The following CCNJL variants were observed in gnomAD, a reference collection of about 807,000 sequenced individuals.
The protein encoded by CCNJL is cyclin J like, also known as cyclin-J-like protein.
CCNJL carries 33 observed loss-of-function variants against 33.4 expected under a neutral mutation model. The ratio of observed to expected loss-of-function variants is 0.99; its 90% confidence interval spans 0.75 to 1.32. CCNJL has a LOEUF of 1.32. Among genes scored for constraint, CCNJL ranks in the 40% most tolerant of loss-of-function variants. The pLI, the probability that CCNJL is intolerant of heterozygous loss-of-function variation, is 0.00. For synonymous variants in CCNJL, 227 were observed against 220.9 expected, an observed-to-expected ratio of 1.03 and a Z score of -0.24; for missense variants, 512 against 499.7, an observed-to-expected ratio of 1.02 and a Z score of -0.23.
chr5:160,292,911 T>C (rs890117209), intron 2 of CCNJL, among the ~76,000 whole-genome samples: 1 of 152,128 alleles, frequency 6.6e-6, no homozygotes, highest in Non-Finnish European at 1.5e-5. Flanking sequence ...ATATGCTTCT[T>C]ACAGAAAAGG....
At chr5:160,273,824 T>A (rs1761920081) in intron 3 of CCNJL, among the ~76,000 whole-genome samples, 1 of 151,838 alleles carries the variant, frequency 6.6e-6, no homozygotes, top group South Asian at 2.1e-4. Flanking sequence ...TTTTTTTGTA[T>A]TTTTAGTAGA....
In CCNJL at chr5:160,297,641, T is replaced by G. The variant is rs377716450; in HGVS notation, c.66+14217A>C. 3.7e-5 allele frequency among the ~76,000 whole-genome samples: 5 copies of G among 133,836 alleles called. No individual in the cohort carries two copies. The East Asian group carries it at 8.4e-4, about 22-fold the overall frequency. 87.8% of individuals were successfully genotyped at this position (133,836 alleles called of 152,430 possible). The stretch of plus-strand genomic sequence containing the variant: ...ACCAACCTGGCAACACAGTGAGATC[T>G]CGTCTCTATTTACAAAAAAAAAAAA... On this transcript the variant is annotated intron_variant, in intron 2 of 5. Coordinates refer to ENST00000257536, the MANE Select transcript of CCNJL (RefSeq NM_001308173.3).
intron 3 of CCNJL, 54 bp from the exon 4 acceptor site, chr5:160,259,825 G>T: frequency 6.8e-7 from 1 of 1,460,082 alleles, no homozygotes; most frequent in South Asian, 1.3e-5. Context: ...CCTGAACCCA[G>T]GAAGCTAACG....
intron 1 of CCNJL, among the ~76,000 whole-genome samples, chr5:160,331,334 C>T (rs545830580): frequency 2.6e-5 from 4 of 151,836 alleles, no homozygotes; most frequent in Admixed American, 1.3e-4. Context: ...CACCATTCTC[C>T]TGCCTCAGCC....
At chr5:160,278,217 C>G (rs943787462) in intron 3 of CCNJL, among the ~76,000 whole-genome samples, 4 of 152,104 alleles carry the variant, frequency 2.6e-5, no homozygotes, top group Admixed American at 2.0e-4. Flanking sequence ...CTGGGCTGAT[C>G]TCAAACTCCT....
At chr5:160,279,270 T>G (rs932110944) in intron 3 of CCNJL, among the ~76,000 whole-genome samples, 5 of 152,024 alleles carry the variant, frequency 3.3e-5, no homozygotes, top group African/African-American at 1.2e-4. Context: ...CAAACATATC[T>G]CAGAGGAGAA....
chr5:160,270,384 C>T (rs993191815), intron 3 of CCNJL, among the ~76,000 whole-genome samples: 1 of 151,700 alleles, frequency 6.6e-6, no homozygotes. Context: ...GCGGAGGTTG[C>T]GGTGAGCCGA....
chr5:160,333,566 G>A (rs1221750491), intron 1 of CCNJL, among the ~76,000 whole-genome samples: 1 of 151,204 alleles, frequency 6.6e-6, no homozygotes, highest in Non-Finnish European at 1.5e-5. Context: ...ACTCCAGCCT[G>A]GGTAACAGAG....
intron 3 of CCNJL, among the ~76,000 whole-genome samples, chr5:160,261,632 C>A (rs112743416): frequency 7.2e-5 from 11 of 151,744 alleles, no homozygotes; most frequent in African/African-American, 1.9e-4. Flanking sequence ...CATACTCCCC[C>A]CAACACTCCC....
At chr5:160,315,684 T>C (rs1763373247), upstream of CCNJL, among the ~76,000 whole-genome samples, 1 of 152,232 alleles carries the variant, frequency 6.6e-6, no homozygotes, top group Admixed American at 6.5e-5. Flanking sequence ...TTACCTTTTT[T>C]CCTAATATTT....
chr5:160,302,517 A>C (rs1762955760), intron 2 of CCNJL, among the ~76,000 whole-genome samples: 1 of 152,178 alleles, frequency 6.6e-6, no homozygotes, highest in South Asian at 2.1e-4. Context: ...AAATCTACAC[A>C]TTAAAATAAT....
intron 3 of CCNJL, among the ~76,000 whole-genome samples, chr5:160,272,663 C>T (rs1320727032): frequency 6.6e-6 from 1 of 152,230 alleles, no homozygotes; most frequent in Non-Finnish European, 1.5e-5. Context: ...GTGCTCACCA[C>T]TGTACCACCA....
chr5:160,258,546 TA>T lies in CCNJL; in HGVS notation c.583+922del. On this transcript the variant is annotated intron_variant, in intron 4 of 5. Transcript: ENST00000257536. ...ACCTTGAACCGTATCTGAAAGAGGT[TA>T]TTCGGGAAAGAAAAGAAAGAGCAGA... The T allele has an allele frequency of 2.6e-6, 4 of 1,521,754 alleles. No individual in the cohort carries two copies. In the South Asian group the frequency reaches 4.5e-5, roughly 17 times the overall value. 94.3% of individuals were successfully genotyped at this position (1,521,754 alleles called of 1,614,324 possible). A position where few individuals can be genotyped will look rare whatever the true frequency, so the allele number is the denominator to read the frequency against.
At chr5:160,282,039 G>A (rs990091639) in intron 2 of CCNJL, among the ~76,000 whole-genome samples, 1 of 152,212 alleles carries the variant, frequency 6.6e-6, no homozygotes, top group Non-Finnish European at 1.5e-5. Flanking sequence ...AGGAAAACAG[G>A]AAATAAGTTG....
chr5:160,268,393 TGAAATGG>T (rs1761695635), intron 3 of CCNJL, among the ~76,000 whole-genome samples: 1 of 152,172 alleles, frequency 6.6e-6, no homozygotes, highest in East Asian at 1.9e-4. Context: ...TCCTCATCTG[TGAAATGG>T]GAAGAAGACA....
At chr5:160,309,537 A>G (rs1040308634) in intron 2 of CCNJL, among the ~76,000 whole-genome samples, 2 of 152,222 alleles carry the variant, frequency 1.3e-5, no homozygotes, top group Non-Finnish European at 2.9e-5. Context: ...TTAGAAACAT[A>G]TTATCAGAGT....
At chr5:160,314,973 C>A (rs1313586259), upstream of CCNJL, among the ~76,000 whole-genome samples, 1 of 152,102 alleles carries the variant, frequency 6.6e-6, no homozygotes, top group Non-Finnish European at 1.5e-5. Flanking sequence ...ACATTTTAAA[C>A]TGTATTATTT....
intron 1 of CCNJL, among the ~76,000 whole-genome samples, chr5:160,325,397 T>C (rs561433754): frequency 2.8e-4 from 42 of 152,292 alleles, no homozygotes; most frequent in Admixed American, 1.0e-3. Context: ...TGTTGCTCCC[T>C]GTCAAAATGA....
intron 2 of CCNJL, among the ~76,000 whole-genome samples, chr5:160,309,804 G>C (rs746345202): frequency 2.6e-4 from 39 of 152,282 alleles, no homozygotes; most frequent in Non-Finnish European, 3.5e-4. Context: ...TCCTAATAAG[G>C]CCAGCTTTAA....
Sources: gnomAD v4.1 joint callset for allele counts (sites outside exome capture counted in the v4.1 genomes callset) on GRCh38, gnomAD v4.1.1 for gene constraint, MANE v1.5 for transcripts, NCBI Gene and HGNC (gene_info 2026-07-23, HGNC 2026-07-21) for gene names.